GPC6: variants seen among roughly 807,000 people sequenced by gnomAD.
GPC6 encodes the protein glypican-6.
In GPC6, 14 loss-of-function variants were observed where a neutral mutation model predicts 55.2. The ratio of observed to expected loss-of-function variants is 0.25; its 90% confidence interval spans 0.17 to 0.40. GPC6 has a LOEUF of 0.40. Among genes scored for constraint, GPC6 ranks in the 10% least tolerant of loss-of-function variants. The pLI, the probability that GPC6 is intolerant of heterozygous loss-of-function variation, is 1.00. For missense variants in GPC6, 641 were observed against 708.5 expected, an observed-to-expected ratio of 0.90 and a Z score of 1.08; for synonymous variants, 278 against 259.6, an observed-to-expected ratio of 1.07 and a Z score of -0.68.
At chr13:93,568,566 A>G (rs1876252040) in intron 2 of GPC6, among the ~76,000 whole-genome samples, 1 of 152,196 alleles carries the variant, frequency 6.6e-6, no homozygotes, top group African/African-American at 2.4e-5. Flanking sequence ...GTTAAAGGAA[A>G]CAGTCACTGG....
intron 4 of GPC6, among the ~76,000 whole-genome samples, chr13:94,099,286 G>T (rs1448883434): frequency 6.6e-6 from 1 of 152,014 alleles, no homozygotes. Context: ...AAGTAACATT[G>T]TTATACTTGC....
chr13:93,886,749 A>ATT (rs34726181), intron 3 of GPC6, among the ~76,000 whole-genome samples: 65 of 135,318 alleles, frequency 4.8e-4, no homozygotes, highest in Middle Eastern at 3.8e-3. Flanking sequence ...AGCATCTGTC[A>ATT]TTTTTTTTTT....
At chr13:93,755,315 A>G (rs1392983551) in intron 2 of GPC6, among the ~76,000 whole-genome samples, 1 of 152,162 alleles carries the variant, frequency 6.6e-6, no homozygotes, top group Non-Finnish European at 1.5e-5. Context: ...GATGGATTTT[A>G]CAGGAAATGC....
chr13:93,260,655 G>A (rs1449683251), intron 1 of GPC6, among the ~76,000 whole-genome samples: 1 of 151,864 alleles, frequency 6.6e-6, no homozygotes, highest in African/African-American at 2.4e-5. Flanking sequence ...ATCCTAGATG[G>A]GAAAATCAAA....
chr13:94,335,630 T>TAACA (rs1346954789), intron 6 of GPC6, among the ~76,000 whole-genome samples: 1 of 152,302 alleles, frequency 6.6e-6, no homozygotes, highest in African/African-American at 2.4e-5. Flanking sequence ...AATCAGGATC[T>TAACA]AACAAACAGT....
chr13:94,138,216 G>A (rs961805641), intron 4 of GPC6, among the ~76,000 whole-genome samples: 2 of 152,114 alleles, frequency 1.3e-5, no homozygotes, highest in African/African-American at 4.8e-5. Flanking sequence ...CAACCATTAA[G>A]TATAATGCAA....
chr13:93,785,699 G>T (rs1243965375), intron 2 of GPC6, among the ~76,000 whole-genome samples: 2 of 152,096 alleles, frequency 1.3e-5, no homozygotes, highest in African/African-American at 2.4e-5. Context: ...CATGATTCAT[G>T]CTTGTAATCC....
intron 2 of GPC6, among the ~76,000 whole-genome samples, chr13:93,583,338 T>TTGTG (rs34034260): frequency 4.6e-5 from 7 of 151,456 alleles, no homozygotes; most frequent in East Asian, 1.9e-4. Flanking sequence ...GTAATGCACA[T>TTGTG]TGTGTGTGTG....
intron 4 of GPC6, among the ~76,000 whole-genome samples, chr13:94,047,600 C>T (rs1257717516): frequency 3.3e-5 from 5 of 152,048 alleles, no homozygotes; most frequent in South Asian, 2.1e-4. Context: ...TATCTCCACT[C>T]GGATTTGCAA....
chr13:94,135,754 C>A (rs1031007798), intron 4 of GPC6, among the ~76,000 whole-genome samples: 1 of 152,210 alleles, frequency 6.6e-6, no homozygotes. Flanking sequence ...GAAAAAGAAG[C>A]CCTTGCTTGC....
chr13:93,563,777 T>A (rs1423618306), intron 2 of GPC6, among the ~76,000 whole-genome samples: 1 of 151,618 alleles, frequency 6.6e-6, no homozygotes, highest in Non-Finnish European at 1.5e-5. Context: ...AAAAAAAGAC[T>A]AATCCTGCCA....
chr13:93,340,302 G>A (rs956420550), intron 1 of GPC6, among the ~76,000 whole-genome samples: 5 of 152,088 alleles, frequency 3.3e-5, no homozygotes, highest in African/African-American at 1.2e-4. Context: ...CCAAAGTGCT[G>A]GGATTATAGG....
intron 4 of GPC6, among the ~76,000 whole-genome samples, chr13:94,058,199 A>G (rs977990499): frequency 3.3e-5 from 5 of 152,180 alleles, no homozygotes; most frequent in African/African-American, 1.2e-4. Flanking sequence ...CTCAATTGTT[A>G]TATATATTTA....
At chr13:94,235,296 A>T (rs913036983) in intron 4 of GPC6, among the ~76,000 whole-genome samples, 11 of 152,154 alleles carry the variant, frequency 7.2e-5, no homozygotes, top group Non-Finnish European at 1.5e-5. Flanking sequence ...GAATTTTTTA[A>T]CAATCTCTGG....
rs753109018 is a variant in GPC6 at position 94,406,826 on chromosome 13, G to T, written c.*3609G>T. On this transcript the variant is annotated 3_prime_UTR_variant, in exon 9 of 9. Coordinates refer to ENST00000377047, the MANE Select transcript of GPC6 (RefSeq NM_005708.5). ...TGCAAAGCTAATTATCAAATGATTT[G>T]ATTAAACCTAGACGCATTAGGAAAT... 8 of 152,044 alleles carry T rather than the reference G, an allele frequency of 5.3e-5. No individual in the cohort carries two copies. Among genetic ancestry groups the T allele is most frequent in the Non-Finnish European group, 1.2e-4 (8 of 67,942 alleles). 9.4% of individuals were successfully genotyped at this position (152,044 alleles called of 1,614,324 possible). A position where few individuals can be genotyped will look rare whatever the true frequency, so the allele number is the denominator to read the frequency against.
intron 4 of GPC6, among the ~76,000 whole-genome samples, chr13:94,146,670 A>G (rs1017754102): frequency 1.3e-5 from 2 of 152,130 alleles, no homozygotes; most frequent in Non-Finnish European, 2.9e-5. Flanking sequence ...TTGATGACAT[A>G]CCTCACAAGA....
chr13:94,325,553 C>G (rs1877073429), intron 6 of GPC6, among the ~76,000 whole-genome samples: 1 of 152,122 alleles, frequency 6.6e-6, no homozygotes, highest in Non-Finnish European at 1.5e-5. Context: ...TTCGGTTGAA[C>G]TGATGATTAG....
chr13:94,204,647 C>T (rs970671721), intron 4 of GPC6, among the ~76,000 whole-genome samples: 10 of 152,150 alleles, frequency 6.6e-5, no homozygotes, highest in Admixed American at 6.5e-4. Context: ...TTATAAAAGC[C>T]TTGCATGTGA....
At chr13:94,171,158 A>G (rs1281640858) in intron 4 of GPC6, among the ~76,000 whole-genome samples, 3 of 152,086 alleles carry the variant, frequency 2.0e-5, no homozygotes, top group East Asian at 3.9e-4. Context: ...GCCCTTCACC[A>G]CCATTGGGAC....
Sources: allele counts gnomAD v4.1 joint callset (sites outside exome capture counted in the v4.1 genomes callset), GRCh38; gene constraint gnomAD v4.1.1; transcripts MANE v1.5; gene names NCBI Gene and HGNC (gene_info 2026-07-23, HGNC 2026-07-21).